The following SMARCA2 variants were observed in gnomAD, a reference collection of about 807,000 sequenced individuals.
SMARCA2 encodes SWI/SNF-related matrix-associated actin-dependent regulator of chromatin subfamily A member 2.
A neutral mutation model predicts 199.8 loss-of-function variants in SMARCA2; 61 were observed. The observed-to-expected ratio is 0.31, with a 90% CI of 0.25 to 0.38. The LOEUF (loss-of-function observed/expected upper bound fraction) is 0.38, where lower values mean the gene tolerates loss of function less well. Among genes scored for constraint, SMARCA2 ranks in the 10% least tolerant of loss-of-function variants. The probability of loss-of-function intolerance (pLI) is 1.00; values close to 1 mark genes in which losing one functional copy is unlikely to be tolerated. For missense variants in SMARCA2, 1,344 were observed against 2,012.2 expected, an observed-to-expected ratio of 0.67 and a Z score of 6.35; for synonymous variants, 935 against 732.0, an observed-to-expected ratio of 1.28 and a Z score of -4.48.
intron 5 of SMARCA2, among the ~76,000 whole-genome samples, chr9:2,051,003 A>G (rs1165865791): frequency 6.6e-6 from 1 of 152,220 alleles, no homozygotes; most frequent in Non-Finnish European, 1.5e-5. Context: ...GTTATGCAGT[A>G]TTACATCTTG....
intron 4 of SMARCA2, chr9:2,043,067 ATTGT>A (rs1020172484): frequency 2.0e-5 from 3 of 152,098 alleles, no homozygotes; most frequent in Non-Finnish European, 2.9e-5. Context: ...TAGTCTATTT[ATTGT>A]TTATCTCCTT....
chr9:2,034,966 A>T (rs755578504), intron 3 of SMARCA2, among the ~76,000 whole-genome samples: 34 of 152,160 alleles, frequency 2.2e-4, no homozygotes, highest in Non-Finnish European at 4.6e-4. Flanking sequence ...CTTATCATTT[A>T]CATTTGAAGG....
intron 9 of SMARCA2, among the ~76,000 whole-genome samples, chr9:2,061,745 A>T (rs899732840): frequency 1.3e-5 from 2 of 152,230 alleles, no homozygotes; most frequent in African/African-American, 2.4e-5. Flanking sequence ...TCAGAATTGT[A>T]AAGGTTGAGG....
chr9:2,088,952 A>G lies in SMARCA2; in HGVS notation c.2883+339A>G, dbSNP rs551683453. Among the ~76,000 whole-genome samples the G allele has an allele frequency of 2.1e-5, 3 of 146,272 alleles. No homozygotes were observed. The East Asian group carries it at 6.0e-4, about 29-fold the overall frequency. ...GGCACTGTAGAATTGTTCTGCTTAT[A>G]AGTGAATGGAAGATTTGGCGTTGGG... On this transcript the variant is annotated intron_variant, in intron 19 of 33. Transcript: ENST00000349721.
chr9:2,052,914 C>G (rs776871629), intron 5 of SMARCA2, among the ~76,000 whole-genome samples: 2 of 152,170 alleles, frequency 1.3e-5, no homozygotes, highest in Non-Finnish European at 2.9e-5. Flanking sequence ...GTCCTCCCAG[C>G]TCTGTACTCT....
rs560736286 is a variant in SMARCA2 at position 2,109,377 on chromosome 9, G to T, written c.3293-877G>T. Reference sequence around the variant, plus strand: ...CACAATGCATTTCATGAAATGGCTGGGTAAATACATTACACATACATAATA... The same window carrying T: ...CACAATGCATTTCATGAAATGGCTGTGTAAATACATTACACATACATAATA... On this transcript the variant is annotated intron_variant, in intron 23 of 33. Transcript: ENST00000349721. Among the ~76,000 whole-genome samples, 57 of 152,014 alleles carry T rather than the reference G, an allele frequency of 3.7e-4. No individual in the cohort carries two copies. The South Asian group carries it at 0.012, about 31-fold the overall frequency.
At chr9:2,071,739 GCATGA>G (rs1664477862) in intron 10 of SMARCA2, among the ~76,000 whole-genome samples, 1 of 152,156 alleles carries the variant, frequency 6.6e-6, no homozygotes, top group Admixed American at 6.5e-5. Context: ...TTTCTTAGAG[GCATGA>G]CATTAGCACG....
At chr9:2,168,327 A>G (rs750947603) in intron 28 of SMARCA2, among the ~76,000 whole-genome samples, 2 of 152,150 alleles carry the variant, frequency 1.3e-5, no homozygotes, top group Non-Finnish European at 2.9e-5. Context: ...CTGATATTTT[A>G]TTACATTATA....
rs1688963815 is a variant in SMARCA2, at chr9:2,098,112, T to C, written c.3078+641T>C. The stretch of plus-strand genomic sequence containing the variant: ...AGTGTTTCACCCCAGTGGGCACAAT[T>C]GACTGGAGCAGGAATGAAAAGGAGC... On this transcript the variant is annotated intron_variant, in intron 21 of 33. Coordinates refer to ENST00000349721, the MANE Select transcript of SMARCA2 (RefSeq NM_003070.5). Among the ~76,000 whole-genome samples the C allele has an allele frequency of 2.0e-5, 3 of 152,202 alleles. No individual in the cohort carries two copies. In the South Asian group the frequency reaches 6.2e-4, roughly 31 times the overall value.
chr9:2,059,362 C>T (rs919718279), intron 8 of SMARCA2, among the ~76,000 whole-genome samples: 1 of 152,064 alleles, frequency 6.6e-6, no homozygotes, highest in Non-Finnish European at 1.5e-5. Context: ...AGAGTAAACA[C>T]CATGTTTTAA....
chr9:2,085,856 T>C (rs934278432), intron 17 of SMARCA2: 4 of 152,318 alleles, frequency 2.6e-5, no homozygotes, highest in African/African-American at 9.6e-5. Flanking sequence ...TGCCACTGTT[T>C]TGTAGAGAAT....
At chr9:2,173,837 A>T (rs930441568) in intron 29 of SMARCA2, among the ~76,000 whole-genome samples, 2 of 152,154 alleles carry the variant, frequency 1.3e-5, no homozygotes, top group African/African-American at 4.8e-5. Context: ...CACTGTTACT[A>T]ACCCATTAAG....
chr9:2,175,586 A>G (rs542801717), intron 29 of SMARCA2, among the ~76,000 whole-genome samples: 22 of 152,288 alleles, frequency 1.4e-4, no homozygotes, highest in African/African-American at 5.1e-4. Context: ...ATGATCCTTA[A>G]ACGTAATTTC....
chr9:2,073,399 C>T, intron 11 of SMARCA2, 57 bp downstream of exon 11: 2 of 1,602,150 alleles, frequency 1.2e-6, no homozygotes, highest in Non-Finnish European at 1.7e-6. Flanking sequence ...TTTTGGTAAT[C>T]TTGTACGATC....
Position 2,039,641 on chromosome 9 carries a change from C to G in SMARCA2, c.531C>G (p.Val177=). The G allele has an allele frequency of 1.2e-6, 2 of 1,614,214 alleles. No individual in the cohort carries two copies. Among genetic ancestry groups the G allele is most frequent in the South Asian group, 1.1e-5 (1 of 91,088 alleles). Residue 177 remains valine (V), a synonymous_variant, in exon 4 of 34, where the codon GTC becomes GTG. Transcript: ENST00000349721. This position sits in a 1 kb window ranked among gnomAD's most constrained non-coding sequence, Gnocchi z 4.8. ...PNRGPSPFSP[V]QLHQLRAQIL... The stretch of plus-strand genomic sequence containing the variant: ...GAGGTCCCTCACCTTTCAGTCCTGT[C>G]CAGCTGCATCAGCTTCGAGCTCAGA...
chr9:2,188,280 C>G (rs1323629897), intron 32 of SMARCA2, among the ~76,000 whole-genome samples: 1 of 151,998 alleles, frequency 6.6e-6, no homozygotes, highest in Admixed American at 6.6e-5. Flanking sequence ...CCCAATAATG[C>G]TGTCCTGAGC....
At position 2,115,813 on chromosome 9, in the gene SMARCA2, C is replaced by G; in HGVS notation, c.3457-9C>G. The G allele has an allele frequency of 6.2e-7, 1 of 1,612,676 alleles. No homozygotes were observed. Among genetic ancestry groups the G allele is most frequent in the Non-Finnish European group, 8.5e-7 (1 of 1,179,114 alleles). The stretch of plus-strand genomic sequence containing the variant: ...CTCAGTCCTCATAGCATATTGACCC[C>G]CCAAACAGGATCTGCAGGCCCAAGA... On this transcript the variant is annotated splice_polypyrimidine_tract_variant and intron_variant, in intron 24 of 33. Coordinates refer to ENST00000349721, the MANE Select transcript of SMARCA2 (RefSeq NM_003070.5). The surrounding 1 kb of genome is among the most constrained non-coding windows in gnomAD (Gnocchi z 6.0).
intron 27 of SMARCA2, among the ~76,000 whole-genome samples, chr9:2,151,913 A>T (rs1356391895): frequency 6.6e-6 from 1 of 152,152 alleles, no homozygotes; most frequent in African/African-American, 2.4e-5. Context: ...AATGATTTTT[A>T]AAAATCCTGC....
At chr9:2,188,988 T>C (rs552203651) in intron 32 of SMARCA2, among the ~76,000 whole-genome samples, 2 of 152,328 alleles carry the variant, frequency 1.3e-5, no homozygotes, top group East Asian at 1.9e-4. Flanking sequence ...GTCCTTCTCA[T>C]GTTGTGTCTC....
Sources: gnomAD v4.1 joint callset for allele counts (sites outside exome capture counted in the v4.1 genomes callset) on GRCh38, gnomAD v4.1.1 for gene constraint, Gnocchi (gnomAD v3.1) non-coding constraint, MANE v1.5 for transcripts, NCBI Gene and HGNC (gene_info 2026-07-23, HGNC 2026-07-21) for gene names.